The following ERCC6 variants were observed in gnomAD, a reference collection of about 807,000 sequenced individuals.
ERCC6 encodes the protein DNA excision repair protein ERCC-6.
In ERCC6, 116 loss-of-function variants were observed where a neutral mutation model predicts 158.7. That is an observed-to-expected ratio of 0.73 (90% CI 0.63 to 0.85). ERCC6 has a LOEUF of 0.85. Ranked by LOEUF, ERCC6 falls within the 40% of genes least tolerant of loss-of-function variation. The pLI, the probability that ERCC6 is intolerant of heterozygous loss-of-function variation, is 0.00. For synonymous variants in ERCC6, 678 were observed against 659.3 expected (o/e 1.03, Z -0.43); for missense variants, 1,698 against 1,799.4 (o/e 0.94, Z 1.02).
At chr10:49,518,204 C>T (rs1837042909) in intron 5 of ERCC6, among the ~76,000 whole-genome samples, 1 of 152,234 alleles carries the variant, frequency 6.6e-6, no homozygotes, top group Non-Finnish European at 1.5e-5. Context: ...TCTCAGGGCA[C>T]TGCCTTTAGA....
Position 49,457,119 on chromosome 10 carries a change from C to A in ERCC6, c.*1696G>T, listed in dbSNP as rs192300032. ...AAGGAAGACACAATTTCCTTATAGGCTAATGATTATAAAAATAGAAATTAA... is the reference window on the plus strand; with the variant it reads ...AAGGAAGACACAATTTCCTTATAGGATAATGATTATAAAAATAGAAATTAA... On this transcript the variant is annotated 3_prime_UTR_variant, in exon 21 of 21. Coordinates refer to ENST00000355832, the MANE Select transcript of ERCC6 (RefSeq NM_000124.4). 2.0e-5 allele frequency: 3 copies of A among 152,292 alleles called. No individual in the cohort carries two copies. The East Asian group carries it at 5.8e-4, about 29-fold the overall frequency. The allele number at this position is 152,292 out of a possible 1,614,324, so 9.4% of individuals were successfully genotyped here.
At chr10:49,469,488 AT>A (rs201067325) in intron 18 of ERCC6, among the ~76,000 whole-genome samples, 24 of 151,776 alleles carry the variant, frequency 1.6e-4, no homozygotes, top group African/African-American at 3.6e-4. Flanking sequence ...ATTCCAACTG[AT>A]TTTTTTTTGA....
chr10:49,495,584 G>A (rs1851253355), intron 7 of ERCC6, among the ~76,000 whole-genome samples: 1 of 151,920 alleles, frequency 6.6e-6, no homozygotes, highest in Admixed American at 6.6e-5. Context: ...AAATCTCACT[G>A]CCGATATCCC....
At chr10:49,495,184 G>A (rs7073830) in intron 7 of ERCC6, among the ~76,000 whole-genome samples, 29,704 of 151,996 alleles carry the variant, frequency 0.2, 3,312 homozygotes, top group South Asian at 0.35. Context: ...AGTCTTGCTG[G>A]GAGTTGGGTG....
the ERCC6 span, among the ~76,000 whole-genome samples, chr10:49,447,635 T>C: frequency 0.027 from 4,092 of 150,018 alleles, 167 homozygotes; most frequent in African/African-American, 0.094. Context: ...ACCTGGGAGG[T>C]GGAGCTTGCA....
intron 18 of ERCC6, among the ~76,000 whole-genome samples, chr10:49,463,102 T>C (rs1383753170): frequency 2.0e-5 from 3 of 152,194 alleles, no homozygotes. Context: ...TGCTTCAGAT[T>C]TTGCCTTTTT....
In ERCC6 at chr10:49,503,788, T is replaced by G. The variant is rs1244713590; in HGVS notation, c.1526+2096A>C. On this transcript the variant is annotated intron_variant, in intron 6 of 20. Transcript: ENST00000355832. ...ATAAAAATTACTCTTTAGGGACAGT[T>G]AAAGATTTTTATGAATATACAACAT... 2.0e-5 allele frequency: 3 copies of G among 152,192 alleles called. No homozygotes were observed. The East Asian group carries it at 5.8e-4, about 29-fold the overall frequency. The allele number at this position is 152,192 out of a possible 1,614,324, so 9.4% of individuals were successfully genotyped here. A position where few individuals can be genotyped will look rare whatever the true frequency, so the allele number is the denominator to read the frequency against.
intron 1 of ERCC6, among the ~76,000 whole-genome samples, chr10:49,537,356 A>AG (rs1347688644): frequency 2.3e-4 from 35 of 151,726 alleles, no homozygotes; most frequent in Admixed American, 2.0e-3. Flanking sequence ...AAAAAAAAAA[A>AG]AAAGAAAGAA....
chr10:49,458,904 C>A lies in ERCC6; in HGVS notation c.4393G>T (p.Val1465Phe), dbSNP rs201813523. 6.2e-7 allele frequency: 1 copy of A among 1,614,032 alleles called. No homozygotes were observed. Among genetic ancestry groups the A allele is most frequent in the African/African-American group, 1.3e-5 (1 of 74,900 alleles). Residue 1465 changes from valine to phenylalanine, a missense_variant, in exon 21 of 21, where the codon GTC becomes TTC. Physicochemically the swap from Val to Phe is conservative, Grantham distance 50. Coordinates refer to ENST00000355832, the MANE Select transcript of ERCC6 (RefSeq NM_000124.4). The stretch of plus-strand genomic sequence containing the variant: ...AGATTTCTCAATAGTTCTCGGAAGA[C>A]ACAAGACTGTGATGCAGATAACTTG... ...ESKLSASQSC[V>F]FRELLRNLCT...
At chr10:49,538,111 T>A (rs1239285714) in intron 1 of ERCC6, among the ~76,000 whole-genome samples, 1 of 152,264 alleles carries the variant, frequency 6.6e-6, no homozygotes, top group Non-Finnish European at 1.5e-5. Flanking sequence ...GCTCCGTTCA[T>A]GGCCTAAGTC....
intron 5 of ERCC6, among the ~76,000 whole-genome samples, chr10:49,510,861 G>C (rs114364247): frequency 4.5e-4 from 69 of 152,192 alleles, no homozygotes; most frequent in African/African-American, 1.6e-3. Context: ...ACCTCTTGCT[G>C]CATTTCCTAC....
rs4253130 is a variant in ERCC6 at position 49,493,769 on chromosome 10, G to T, written c.1686-517C>A. 7.6e-4 allele frequency among the ~76,000 whole-genome samples: 116 copies of T among 152,326 alleles called. 3 individuals are homozygous for T. The South Asian group carries it at 0.023, about 30-fold the overall frequency. ...AGGCTGGCATGGCCCAGGTGACATGGCTACCAGGGGACAGAGGGCTGCCTA... is the reference window on the plus strand; with the variant it reads ...AGGCTGGCATGGCCCAGGTGACATGTCTACCAGGGGACAGAGGGCTGCCTA... On this transcript the variant is annotated intron_variant, in intron 7 of 20. Transcript: ENST00000355832.
chr10:49,459,621 T>C (rs1850542219), intron 20 of ERCC6, among the ~76,000 whole-genome samples: 1 of 152,190 alleles, frequency 6.6e-6, no homozygotes, highest in Admixed American at 6.5e-5. Flanking sequence ...AAATGGACCC[T>C]GTACACTGTG....
At chr10:49,530,599 T>C in intron 3 of ERCC6, 121 bp downstream of exon 3, 1 of 1,473,930 alleles carries the variant, frequency 6.8e-7, no homozygotes, top group Non-Finnish European at 9.0e-7. Flanking sequence ...AAAATTTCTC[T>C]ATTGTAATTA....
chr10:49,485,211 A>T (rs901271582), intron 8 of ERCC6, among the ~76,000 whole-genome samples: 50 of 152,200 alleles, frequency 3.3e-4, no homozygotes, highest in African/African-American at 1.2e-3. Context: ...GGCCATCACT[A>T]ACCCCATTTT....
At chr10:49,475,116 A>G (rs923498117) in intron 12 of ERCC6, among the ~76,000 whole-genome samples, 1 of 152,222 alleles carries the variant, frequency 6.6e-6, no homozygotes, top group African/African-American at 2.4e-5. Context: ...GCACTGTCCA[A>G]TGCAGTAGTC....
the ERCC6 span, among the ~76,000 whole-genome samples, chr10:49,446,879 G>A: frequency 3.9e-5 from 6 of 152,196 alleles, no homozygotes; most frequent in Non-Finnish European, 5.9e-5. Context: ...TTCCAGAAGG[G>A]TGAAAGCAAA....
At chr10:49,502,031 T>C (rs1851364263) in intron 6 of ERCC6, 1 of 152,162 alleles carries the variant, frequency 6.6e-6, no homozygotes, top group Admixed American at 6.6e-5. Context: ...GCTGATGGGC[T>C]ACCCACCTTA....
intron 20 of ERCC6, chr10:49,460,095 C>A: frequency 2.0e-6 from 1 of 493,828 alleles, no homozygotes; most frequent in Non-Finnish European, 3.7e-6. Flanking sequence ...ACAAGGCAGG[C>A]TGTCCTAGCA....
Sources: gnomAD v4.1 joint callset for allele counts (sites outside exome capture counted in the v4.1 genomes callset) on GRCh38, gnomAD v4.1.1 for gene constraint, MANE v1.5 for transcripts, NCBI Gene and HGNC (gene_info 2026-07-23, HGNC 2026-07-21) for gene names.